The following MACROH2A2 variants were observed in gnomAD, a reference collection of about 807,000 sequenced individuals.
The protein encoded by MACROH2A2 is core histone macro-H2A.2.
A neutral mutation model predicts 37.6 loss-of-function variants in MACROH2A2; 6 were observed. That is an observed-to-expected ratio of 0.16 (90% CI 0.09 to 0.32). MACROH2A2 has a LOEUF of 0.32. Ranked by LOEUF, MACROH2A2 falls within the 10% of genes least tolerant of loss-of-function variation. The probability of loss-of-function intolerance (pLI) is 1.00; values close to 1 mark genes in which losing one functional copy is unlikely to be tolerated. For synonymous variants in MACROH2A2, 192 were observed against 202.7 expected, an observed-to-expected ratio of 0.95 and a Z score of 0.45; for missense variants, 290 against 485.9, an observed-to-expected ratio of 0.60 and a Z score of 3.79.
rs2072377298 is a variant in MACROH2A2, at chr10:70,111,798, G to A, written c.*115G>A. On this transcript the variant is annotated 3_prime_UTR_variant, in exon 9 of 9. Transcript: ENST00000373255. The stretch of plus-strand genomic sequence containing the variant: ...AGGGGAGTGGAGGGTGGCCGGGCAG[G>A]TCCTGCCGGCGCAGGGAGCCCTCTG... 5 of 859,524 alleles carry A rather than the reference G, an allele frequency of 5.8e-6. No individual in the cohort carries two copies. Among genetic ancestry groups the A allele is most frequent in the Non-Finnish European group, 6.7e-6 (4 of 600,204 alleles). The allele number at this position is 859,524 out of a possible 1,614,324, so 53.2% of individuals were successfully genotyped here.
At chr10:70,101,219 G>A (rs2072305083) in intron 7 of MACROH2A2, among the ~76,000 whole-genome samples, 1 of 152,234 alleles carries the variant, frequency 6.6e-6, no homozygotes, top group East Asian at 1.9e-4. Flanking sequence ...AACAGGTGAT[G>A]AGGATGTGGG....
chr10:70,088,167 A>G (rs938789868), intron 2 of MACROH2A2, among the ~76,000 whole-genome samples: 1 of 151,446 alleles, frequency 6.6e-6, no homozygotes, highest in Non-Finnish European at 1.5e-5. Flanking sequence ...ACATTCACGC[A>G]CACACACGCA....
rs930972646 is a variant in MACROH2A2 at position 70,107,938 on chromosome 10, G to A, written c.779-1095G>A. On this transcript the variant is annotated intron_variant, in intron 7 of 8. Coordinates refer to ENST00000373255, the MANE Select transcript of MACROH2A2 (RefSeq NM_018649.3). This position sits in a 1 kb window ranked among gnomAD's most constrained non-coding sequence, Gnocchi z 4.4. ...AGCTATTTTTTAAAAGCCACAGTAG[G>A]CCAGGTGTGATGGCTCACGCCTGTA... is the stretch of plus-strand genomic sequence containing the variant. 1.3e-5 allele frequency among the ~76,000 whole-genome samples: 2 copies of A among 152,160 alleles called. No homozygotes were observed. Among genetic ancestry groups the A allele is most frequent in the Non-Finnish European group, 2.9e-5 (2 of 68,034 alleles).
chr10:70,081,419 A>G (rs1214085135), intron 2 of MACROH2A2, among the ~76,000 whole-genome samples: 2 of 152,104 alleles, frequency 1.3e-5, no homozygotes, highest in East Asian at 3.9e-4. Context: ...AGAGCACAGG[A>G]CCCAGCATGA....
At chr10:70,087,547 TA>T (rs2072218884) in intron 2 of MACROH2A2, among the ~76,000 whole-genome samples, 2 of 152,214 alleles carry the variant, frequency 1.3e-5, no homozygotes, top group South Asian at 4.1e-4. Flanking sequence ...CATTTCCTTT[TA>T]ATGGGCATCC....
intron 1 of MACROH2A2, among the ~76,000 whole-genome samples, chr10:70,065,802 G>T (rs556551134): frequency 1.3e-5 from 2 of 152,042 alleles, no homozygotes; most frequent in African/African-American, 4.8e-5. Context: ...GTGGGTTGAG[G>T]GGGGAGGGAT....
chr10:70,068,700 C>G (rs898968703), intron 1 of MACROH2A2, among the ~76,000 whole-genome samples: 2 of 152,176 alleles, frequency 1.3e-5, no homozygotes, highest in African/African-American at 4.8e-5. Flanking sequence ...CCATCGGGAG[C>G]TGGTAGTGGT....
At chr10:70,099,829 C>T (rs180752871) in intron 6 of MACROH2A2, among the ~76,000 whole-genome samples, 43 of 152,286 alleles carry the variant, frequency 2.8e-4, no homozygotes, top group Admixed American at 7.8e-4. Context: ...ACGTACAGTA[C>T]GTTGATGGCA....
intron 2 of MACROH2A2, among the ~76,000 whole-genome samples, chr10:70,083,167 G>A (rs747735110): frequency 3.9e-5 from 6 of 152,140 alleles, no homozygotes; most frequent in Non-Finnish European, 7.4e-5. Flanking sequence ...CTGGCTGGAG[G>A]CCTTGGTCCC....
chr10:70,081,068 CAAAAA>C (rs34688764), intron 2 of MACROH2A2, among the ~76,000 whole-genome samples: 1 of 45,836 alleles, frequency 2.2e-5, no homozygotes, highest in African/African-American at 8.8e-5. Flanking sequence ...CCCTGTCTCT[CAAAAA>C]AAAAAAAAAA....
rs1013288706 is a variant in MACROH2A2 at position 70,053,744 on chromosome 10, G to A, written c.-60+744G>A. ...TTCCCTTTCCGGGGCGCCCGGTGCC[G>A]ACGCGCGCTGCGCTTTCACCGGGAA... is the stretch of plus-strand genomic sequence containing the variant. On this transcript the variant is annotated intron_variant, in intron 1 of 8. Coordinates refer to ENST00000373255, the MANE Select transcript of MACROH2A2 (RefSeq NM_018649.3). This position sits in a 1 kb window ranked among gnomAD's most constrained non-coding sequence, Gnocchi z 4.8. Among the ~76,000 whole-genome samples, 103 of 152,008 alleles carry A rather than the reference G, an allele frequency of 6.8e-4. No homozygotes were observed. The highest frequency in any genetic ancestry group is 2.3e-3 in the African/African-American group (96 of 41,526).
chr10:70,110,359 G>A (rs888065061), intron 8 of MACROH2A2, among the ~76,000 whole-genome samples: 8 of 152,138 alleles, frequency 5.3e-5, no homozygotes, highest in African/African-American at 1.9e-4. Context: ...GAGTCACAAT[G>A]CTGAAATTAC....
At chr10:70,103,663 T>C (rs1292525971) in intron 7 of MACROH2A2, among the ~76,000 whole-genome samples, 1 of 150,924 alleles carries the variant, frequency 6.6e-6, no homozygotes, top group Admixed American at 6.6e-5. Flanking sequence ...AAACCTGGAG[T>C]GTTGTGGTAA....
intron 2 of MACROH2A2, among the ~76,000 whole-genome samples, chr10:70,081,241 T>A (rs1322473965): frequency 1.3e-5 from 2 of 152,042 alleles, no homozygotes; most frequent in Non-Finnish European, 1.5e-5. Context: ...AAATAATGCA[T>A]GAAAAGTGCT....
At chr10:70,094,850 C>A (rs928724851) in intron 5 of MACROH2A2, among the ~76,000 whole-genome samples, 10 of 152,114 alleles carry the variant, frequency 6.6e-5, no homozygotes, top group Non-Finnish European at 1.5e-4. Flanking sequence ...AGCCAGACAC[C>A]CCCAGGTCAG....
At chr10:70,095,229 A>G (rs1455131189) in intron 5 of MACROH2A2, among the ~76,000 whole-genome samples, 3 of 152,080 alleles carry the variant, frequency 2.0e-5, no homozygotes, top group Admixed American at 2.0e-4. Flanking sequence ...TTAGCTGGGC[A>G]TGGTGGCGGG....
intron 3 of MACROH2A2, among the ~76,000 whole-genome samples, chr10:70,091,255 C>T (rs1006534160): frequency 1.3e-5 from 2 of 152,224 alleles, no homozygotes; most frequent in Admixed American, 6.5e-5. Context: ...GCTTTCTGTA[C>T]AACATCACAG....
At chr10:70,082,279 T>C (rs988693539) in intron 2 of MACROH2A2, among the ~76,000 whole-genome samples, 13 of 151,302 alleles carry the variant, frequency 8.6e-5, no homozygotes, top group Admixed American at 6.6e-5. Flanking sequence ...ATTAGCCGGG[T>C]GTGGTGGTGC....
chr10:70,081,908 G>A (rs572312937), intron 2 of MACROH2A2, among the ~76,000 whole-genome samples: 2 of 152,268 alleles, frequency 1.3e-5, no homozygotes, highest in African/African-American at 4.8e-5. Flanking sequence ...TTTCCATGAT[G>A]TAATTATTAC....
Sources: allele counts gnomAD v4.1 joint callset (sites outside exome capture counted in the v4.1 genomes callset), GRCh38; gene constraint gnomAD v4.1.1; non-coding constraint Gnocchi (gnomAD v3.1); transcripts MANE v1.5; gene names NCBI Gene and HGNC (gene_info 2026-07-23, HGNC 2026-07-21).